Variants in LPCAT1 observed in about 807,000 individuals in gnomAD.
LPCAT1 encodes the protein lysophosphatidylcholine acyltransferase 1.
LPCAT1 carries 23 observed loss-of-function variants against 60.9 expected under a neutral mutation model. The ratio of observed to expected loss-of-function variants is 0.38; its 90% CI spans 0.27 to 0.53. The LOEUF (loss-of-function observed/expected upper bound fraction) is 0.53, where lower values mean the gene tolerates loss of function less well. Among genes scored for constraint, LPCAT1 ranks in the 20% least tolerant of loss-of-function variants. The probability of loss-of-function intolerance (pLI) is 0.82; values close to 1 mark genes in which losing one functional copy is unlikely to be tolerated. For missense variants in LPCAT1, 622 were observed against 723.6 expected (o/e 0.86, Z 1.61); for synonymous variants, 340 against 301.1 (o/e 1.13, Z -1.34).
At chr5:1,505,226 A>G (rs1579806332) in intron 1 of LPCAT1, among the ~76,000 whole-genome samples, 1 of 148,462 alleles carries the variant, frequency 6.7e-6, no homozygotes, top group African/African-American at 2.5e-5. Context: ...ACCGACTACA[A>G]CTGCTTCCAC....
intron 1 of LPCAT1, among the ~76,000 whole-genome samples, chr5:1,504,267 C>T (rs1331456880): frequency 2.6e-5 from 4 of 152,236 alleles, no homozygotes; most frequent in African/African-American, 9.6e-5. Context: ...TCATCCATTC[C>T]CATCTACTGT....
At chr5:1,490,358 C>T (rs781613504) in intron 3 of LPCAT1, among the ~76,000 whole-genome samples, 6 of 152,118 alleles carry the variant, frequency 3.9e-5, no homozygotes, top group Non-Finnish European at 7.4e-5. Flanking sequence ...GGATGAGGGT[C>T]CCTATGGGAA....
intron 1 of LPCAT1, among the ~76,000 whole-genome samples, chr5:1,507,158 G>C (rs1579808218): frequency 6.6e-6 from 1 of 152,176 alleles, no homozygotes; most frequent in Non-Finnish European, 1.5e-5. Flanking sequence ...GTCACCATAG[G>C]TCAGGCCTCC....
intron 10 of LPCAT1, 29 bp downstream of exon 10, chr5:1,474,531 T>C: frequency 2.5e-6 from 4 of 1,612,248 alleles, no homozygotes; most frequent in Non-Finnish European, 3.4e-6. Flanking sequence ...TTCTAGCTAA[T>C]GCTCAAGGAA....
At position 1,482,369 on chromosome 5, in the gene LPCAT1, T is replaced by C. The variant is rs371121308; in HGVS notation, c.726+1059A>G. Among the ~76,000 whole-genome samples, 116 of 129,490 alleles carry C rather than the reference T, an allele frequency of 9.0e-4. 1 individual carries two copies. Among genetic ancestry groups the C allele is most frequent in the African/African-American group, 3.3e-3 (107 of 32,662 alleles). The allele number at this position is 129,490 out of a possible 152,430, so 85.0% of individuals were successfully genotyped here. A position where few individuals can be genotyped will look rare whatever the true frequency, so the allele number is the denominator to read the frequency against. ...CTGGAGGAAGGTGCAGCAGCCACCTTACAGGTGTGGAAACTGAGGCAGGAC... is the reference window on the plus strand; with the variant it reads ...CTGGAGGAAGGTGCAGCAGCCACCTCACAGGTGTGGAAACTGAGGCAGGAC... On this transcript the variant is annotated intron_variant, in intron 6 of 13. Coordinates refer to ENST00000283415, the MANE Select transcript of LPCAT1 (RefSeq NM_024830.5).
chr5:1,520,685 C>A (rs1377722057), intron 1 of LPCAT1, among the ~76,000 whole-genome samples: 3 of 151,522 alleles, frequency 2.0e-5, no homozygotes, highest in Admixed American at 6.6e-5. Context: ...ACGGTGAGAC[C>A]CCATCTCTAC....
chr5:1,466,743 G>A lies in LPCAT1; in HGVS notation c.1420+6C>T, dbSNP rs1413104822. On this transcript the variant is annotated splice_donor_region_variant and intron_variant, in intron 13 of 13. Coordinates refer to ENST00000283415, the MANE Select transcript of LPCAT1 (RefSeq NM_024830.5). ...CGCGAGGACGACCCCACTCCTGCGG[G>A]CTCACCGAATGTGATCTTCCCCTTC... 6.2e-7 allele frequency: 1 copy of A among 1,608,916 alleles called. No individual in the cohort carries two copies. Among genetic ancestry groups the A allele is most frequent in the South Asian group, 1.1e-5 (1 of 90,596 alleles).
rs753680199 is a variant in LPCAT1 at position 1,521,275 on chromosome 5, T to A, written c.135+2435A>T. The A allele has an allele frequency of 1.0e-6, 1 of 953,596 alleles. No individual in the cohort carries two copies. Among genetic ancestry groups the A allele is most frequent in the Admixed American group, 6.2e-5 (1 of 16,234 alleles). 59.1% of individuals were successfully genotyped at this position (953,596 alleles called of 1,614,324 possible). A position where few individuals can be genotyped will look rare whatever the true frequency, so the allele number is the denominator to read the frequency against. On this transcript the variant is annotated intron_variant, in intron 1 of 13. Coordinates refer to ENST00000283415, the MANE Select transcript of LPCAT1 (RefSeq NM_024830.5). The surrounding 1 kb of genome is among the most constrained non-coding windows in gnomAD (Gnocchi z 4.3). ...GGCTGGAGGAGGAGGTGTCCCCGCA[T>A]GGCGCTAATCCGAAGACACACAGCA... is the stretch of plus-strand genomic sequence containing the variant.
intron 1 of LPCAT1, among the ~76,000 whole-genome samples, chr5:1,514,502 G>A (rs1736446360): frequency 1.3e-5 from 2 of 152,170 alleles, no homozygotes; most frequent in South Asian, 4.1e-4. Context: ...CCGCACTGGG[G>A]GACTCAAAGT....
At position 1,480,895 on chromosome 5, in the gene LPCAT1, G is replaced by A; in HGVS notation, c.761+47C>T. 6.2e-7 allele frequency: 1 copy of A among 1,611,466 alleles called. No individual in the cohort carries two copies. The highest frequency in any genetic ancestry group is 8.5e-7 in the Non-Finnish European group (1 of 1,177,912). Reference sequence around the variant, plus strand: ...AGCAGACCCCAAGCAGCCCCTACGTGTTCATGGAACAACAGGACAAAGAGG... The same window carrying A: ...AGCAGACCCCAAGCAGCCCCTACGTATTCATGGAACAACAGGACAAAGAGG... On this transcript the variant is annotated intron_variant, in intron 7 of 13. Coordinates refer to ENST00000283415, the MANE Select transcript of LPCAT1 (RefSeq NM_024830.5). This position sits in a 1 kb window ranked among gnomAD's most constrained non-coding sequence, Gnocchi z 6.4.
At chr5:1,508,244 G>C (rs1373054701) in intron 1 of LPCAT1, among the ~76,000 whole-genome samples, 1 of 152,220 alleles carries the variant, frequency 6.6e-6, no homozygotes, top group African/African-American at 2.4e-5. Flanking sequence ...TCATTCTCCG[G>C]GCTGGGGGAC....
intron 1 of LPCAT1, among the ~76,000 whole-genome samples, chr5:1,505,481 G>A (rs1361549230): frequency 6.6e-6 from 1 of 152,266 alleles, no homozygotes; most frequent in African/African-American, 2.4e-5. Flanking sequence ...AACAGCTCCG[G>A]GGCTGGGGGA....
rs767054917 is a variant in LPCAT1, at chr5:1,520,907, T to C, written c.135+2803A>G. 1.5e-3 allele frequency among the ~76,000 whole-genome samples: 157 copies of C among 107,874 alleles called. 1 individual carries two copies. Among genetic ancestry groups the C allele is most frequent in the Non-Finnish European group, 2.8e-3 (136 of 49,432 alleles). 70.8% of individuals were successfully genotyped at this position (107,874 alleles called of 152,430 possible). ...AAAAGAAAAAGAAAAAAAAAAGAAA[T>C]GGGGAAAACGCATCAGAACCATAGT... On this transcript the variant is annotated intron_variant, in intron 1 of 13. Coordinates refer to ENST00000283415, the MANE Select transcript of LPCAT1 (RefSeq NM_024830.5).
At chr5:1,485,074 G>A (rs765698273) in intron 5 of LPCAT1, among the ~76,000 whole-genome samples, 12 of 152,164 alleles carry the variant, frequency 7.9e-5, no homozygotes, top group South Asian at 4.1e-4. Context: ...CCAGGAGCTC[G>A]CGTGGAGTGC....
At chr5:1,509,206 C>A (rs762874672) in intron 1 of LPCAT1, among the ~76,000 whole-genome samples, 1 of 152,266 alleles carries the variant, frequency 6.6e-6, no homozygotes, top group Non-Finnish European at 1.5e-5. Flanking sequence ...CACAGGCGGC[C>A]GGGGCAGATG....
chr5:1,471,445 G>C (rs1734664626), intron 11 of LPCAT1, among the ~76,000 whole-genome samples: 2 of 152,362 alleles, frequency 1.3e-5, no homozygotes, highest in Admixed American at 1.3e-4. Flanking sequence ...TGAGTGAGCA[G>C]GGTGGTGAGA....
intron 2 of LPCAT1, among the ~76,000 whole-genome samples, chr5:1,501,124 G>A (rs1256328719): frequency 6.6e-6 from 1 of 152,220 alleles, no homozygotes; most frequent in Non-Finnish European, 1.5e-5. Context: ...CCTGACTTTC[G>A]TCAGCAACAG....
Position 1,513,628 on chromosome 5 carries a change from G to A in LPCAT1, c.135+10082C>T, listed in dbSNP as rs114040477. ...ATTTCCACAGGCTCTCACCCGTGGG[G>A]CAGGACACCCTGCGATTATGTTTCC... On this transcript the variant is annotated intron_variant, in intron 1 of 13. Transcript: ENST00000283415. Among the ~76,000 whole-genome samples the A allele has an allele frequency of 8.4e-3, 1,273 of 152,252 alleles. 16 individuals are homozygous for A. Among genetic ancestry groups the A allele is most frequent in the African/African-American group, 0.03 (1,226 of 41,530 alleles).
rs10079871 is a variant in LPCAT1, at chr5:1,481,295, A to G, written c.727-319T>C. Among the ~76,000 whole-genome samples the G allele has an allele frequency of 0.35, 52,640 of 151,984 alleles. 10,045 individuals are homozygous for G. Among genetic ancestry groups the G allele is most frequent in the African/African-American group, 0.5 (20,544 of 41,424 alleles). On this transcript the variant is annotated intron_variant, in intron 6 of 13. Coordinates refer to ENST00000283415, the MANE Select transcript of LPCAT1 (RefSeq NM_024830.5). This position sits in a 1 kb window ranked among gnomAD's most constrained non-coding sequence, Gnocchi z 7.8. ...TCTTATAGGTTCCCAGAGCCCCTAG[A>G]ACCTGGGAAAAGGGTCCTCCCTCCC...
Sources: allele counts gnomAD v4.1 joint callset (sites outside exome capture counted in the v4.1 genomes callset), GRCh38; gene constraint gnomAD v4.1.1; non-coding constraint Gnocchi (gnomAD v3.1); transcripts MANE v1.5; gene names NCBI Gene and HGNC (gene_info 2026-07-23, HGNC 2026-07-21).